The following PAK5 variants were observed in gnomAD, a reference collection of about 807,000 sequenced individuals.
PAK5 encodes the protein p21 (RAC1) activated kinase 5, also known as serine/threonine-protein kinase PAK 5.
In PAK5, 16 loss-of-function variants were observed where a neutral mutation model predicts 65.9. That is an observed-to-expected ratio of 0.24 (90% CI 0.16 to 0.37). The LOEUF (loss-of-function observed/expected upper bound fraction) is 0.37, where lower values mean the gene tolerates loss of function less well. PAK5 is among the 10% of genes least tolerant of loss of function. The pLI, the probability that PAK5 is intolerant of heterozygous loss-of-function variation, is 1.00. For synonymous variants in PAK5, 371 were observed against 354.9 expected, an observed-to-expected ratio of 1.05 and a Z score of -0.51; for missense variants, 785 against 903.9, an observed-to-expected ratio of 0.87 and a Z score of 1.69.
chr20:9,647,734 A>C (rs1411183127), intron 2 of PAK5, among the ~76,000 whole-genome samples: 1 of 152,240 alleles, frequency 6.6e-6, no homozygotes, highest in Non-Finnish European at 1.5e-5. Context: ...CTCTCCAGTA[A>C]GTTTGAGTTA....
intron 3 of PAK5, among the ~76,000 whole-genome samples, chr20:9,596,544 G>A (rs933265084): frequency 6.8e-6 from 1 of 147,882 alleles, no homozygotes; most frequent in Non-Finnish European, 1.5e-5. Flanking sequence ...GCTGAGACAG[G>A]AGAATGGTGT....
At chr20:9,827,628 G>A (rs6056912) in intron 1 of PAK5, among the ~76,000 whole-genome samples, 1 of 150,584 alleles carries the variant, frequency 6.6e-6, no homozygotes, top group African/African-American at 2.4e-5. Context: ...GGGGGAGGGG[G>A]AGGGTGGGGG....
intron 3 of PAK5, among the ~76,000 whole-genome samples, chr20:9,637,284 G>A (rs2046994722): frequency 6.6e-6 from 1 of 152,126 alleles, no homozygotes. Context: ...TGGATTACAG[G>A]CATGTGCCCA....
chr20:9,795,502 A>G (rs1358458946), intron 1 of PAK5, among the ~76,000 whole-genome samples: 3 of 152,136 alleles, frequency 2.0e-5, no homozygotes, highest in Non-Finnish European at 4.4e-5. Context: ...AAACCCTCAT[A>G]AAATTATCTT....
At chr20:9,547,253 C>T (rs1006750302) in intron 7 of PAK5, among the ~76,000 whole-genome samples, 2 of 152,148 alleles carry the variant, frequency 1.3e-5, no homozygotes, top group Non-Finnish European at 2.9e-5. Context: ...GGAATCAACA[C>T]TACCAAAATC....
chr20:9,560,265 A>C (rs182283497), intron 6 of PAK5, among the ~76,000 whole-genome samples: 8 of 152,330 alleles, frequency 5.3e-5, no homozygotes, highest in African/African-American at 1.4e-4. Flanking sequence ...CTATAGGAAA[A>C]AAGCTTGGCA....
At chr20:9,609,307 T>C (rs1250947510) in intron 3 of PAK5, among the ~76,000 whole-genome samples, 1 of 152,180 alleles carries the variant, frequency 6.6e-6, no homozygotes, top group Non-Finnish European at 1.5e-5. Flanking sequence ...TCACCTGCAG[T>C]TGCAACCCCG....
Position 9,735,041 on chromosome 20 carries a change from T to C in PAK5, c.-161-23606A>G, listed in dbSNP as rs2048373838. Among the ~76,000 whole-genome samples the C allele has an allele frequency of 1.3e-5, 2 of 152,196 alleles. 1 individual carries two copies. The highest frequency in any genetic ancestry group is 4.1e-4 in the South Asian group (2 of 4,826). On this transcript the variant is annotated intron_variant, in intron 1 of 9. Coordinates refer to ENST00000353224, the MANE Select transcript of PAK5 (RefSeq NM_177990.4). ...ATTGAATATTTACTAGCTATGTGCT[T>C]TAAAGATCAGATCTCATTCTTTAAA...
intron 3 of PAK5, among the ~76,000 whole-genome samples, chr20:9,603,436 C>A (rs1465830243): frequency 6.6e-6 from 1 of 152,164 alleles, no homozygotes; most frequent in Non-Finnish European, 1.5e-5. Flanking sequence ...CAAGTTCTGC[C>A]CTATTTATAT....
chr20:9,652,687 C>A lies in PAK5; in HGVS notation c.-11-8348G>T, dbSNP rs115361094. Among the ~76,000 whole-genome samples, 1,215 of 152,226 alleles carry A rather than the reference C, an allele frequency of 8.0e-3. 13 individuals carry two copies. Among genetic ancestry groups the A allele is most frequent in the African/African-American group, 0.027 (1,140 of 41,534 alleles). ...TTGTGACCTGGGCCTGTTTTTTTGACCTGGATCATAATTCAAACACACTTG... is the reference window on the plus strand; with the variant it reads ...TTGTGACCTGGGCCTGTTTTTTTGAACTGGATCATAATTCAAACACACTTG... On this transcript the variant is annotated intron_variant, in intron 2 of 9. Coordinates refer to ENST00000353224, the MANE Select transcript of PAK5 (RefSeq NM_177990.4).
chr20:9,623,758 A>T (rs6140986), intron 3 of PAK5, among the ~76,000 whole-genome samples: 80,855 of 151,978 alleles, frequency 0.53, 22,627 homozygotes, highest in African/African-American at 0.71. Context: ...TTGACAAAGG[A>T]TTTGAATATG....
At chr20:9,768,117 A>G (rs2048790175) in intron 1 of PAK5, among the ~76,000 whole-genome samples, 1 of 152,144 alleles carries the variant, frequency 6.6e-6, no homozygotes, top group Non-Finnish European at 1.5e-5. Context: ...TTAATTTTTG[A>G]TTACTATGGG....
At position 9,666,505 on chromosome 20, in the gene PAK5, A is replaced by C. The variant is rs554532267; in HGVS notation, c.-11-22166T>G. Among the ~76,000 whole-genome samples the C allele has an allele frequency of 1.2e-4, 18 of 152,180 alleles. No individual in the cohort carries two copies. In the South Asian group the frequency reaches 3.5e-3, roughly 30 times the overall value. Reference sequence around the variant, plus strand: ...AACAAAAAGCAAAACCAAGTAGGAAATACTACCGTGGAGACAAGTTCTGTT... The same window carrying C: ...AACAAAAAGCAAAACCAAGTAGGAACTACTACCGTGGAGACAAGTTCTGTT... On this transcript the variant is annotated intron_variant, in intron 2 of 9. Transcript: ENST00000353224.
At chr20:9,794,215 T>C (rs1293466519) in intron 1 of PAK5, among the ~76,000 whole-genome samples, 1 of 151,864 alleles carries the variant, frequency 6.6e-6, no homozygotes, top group Non-Finnish European at 1.5e-5. Context: ...TTAGAACAGA[T>C]ACCTAATGCA....
At chr20:9,623,150 T>G (rs1170384844) in intron 3 of PAK5, among the ~76,000 whole-genome samples, 1 of 152,204 alleles carries the variant, frequency 6.6e-6, no homozygotes, top group South Asian at 2.1e-4. Flanking sequence ...GGAAGACATT[T>G]TTCTAATTGT....
intron 2 of PAK5, among the ~76,000 whole-genome samples, chr20:9,647,533 T>C (rs1338841197): frequency 6.6e-6 from 1 of 152,232 alleles, no homozygotes; most frequent in Non-Finnish European, 1.5e-5. Flanking sequence ...CCCTCTCTCA[T>C]TGTGAATTTC....
chr20:9,835,442 A>T (rs1979072875), intron 1 of PAK5, among the ~76,000 whole-genome samples: 1 of 152,162 alleles, frequency 6.6e-6, no homozygotes, highest in African/African-American at 2.4e-5. Flanking sequence ...GTGTGACAGC[A>T]TCAAGAGGAA....
intron 1 of PAK5, among the ~76,000 whole-genome samples, chr20:9,768,241 G>A (rs893420616): frequency 1.3e-5 from 2 of 151,492 alleles, no homozygotes; most frequent in Admixed American, 6.6e-5. Context: ...AGGGGTACAC[G>A]TGCAGGGTTT....
In PAK5 at chr20:9,538,932, C is replaced by G. The variant is rs1220344034; in HGVS notation, c.*530G>C. 1 of 233,068 alleles carries G rather than the reference C, an allele frequency of 4.3e-6. No homozygotes were observed. 14.4% of individuals were successfully genotyped at this position (233,068 alleles called of 1,614,324 possible). A position where few individuals can be genotyped will look rare whatever the true frequency, so the allele number is the denominator to read the frequency against. ...TAGGAAAGGCTTTGTTCAAACTCCT[C>G]TAGTAAACAAGTATTACTTCAACTG... On this transcript the variant is annotated 3_prime_UTR_variant, in exon 10 of 10. Coordinates refer to ENST00000353224, the MANE Select transcript of PAK5 (RefSeq NM_177990.4).
Sources: allele counts gnomAD v4.1 joint callset (sites outside exome capture counted in the v4.1 genomes callset), GRCh38; gene constraint gnomAD v4.1.1; transcripts MANE v1.5; gene names NCBI Gene and HGNC (gene_info 2026-07-23, HGNC 2026-07-21).